NDUFS4: variants seen among roughly 807,000 people sequenced by gnomAD.
NDUFS4 encodes the protein NADH dehydrogenase [ubiquinone] iron-sulfur protein 4, mitochondrial.
A neutral mutation model predicts 24.3 loss-of-function variants in NDUFS4; 28 were observed. The observed-to-expected ratio is 1.15, with a 90% confidence interval of 0.85 to 1.58. The LOEUF (loss-of-function observed/expected upper bound fraction) is 1.58, where lower values mean the gene tolerates loss of function less well. Among genes scored for constraint, NDUFS4 ranks in the 40% most tolerant of loss-of-function variants. The pLI, the probability that NDUFS4 is intolerant of heterozygous loss-of-function variation, is 0.00. For missense variants in NDUFS4, 223 were observed against 207.9 expected (o/e 1.07, Z -0.45); for synonymous variants, 93 against 69.7 (o/e 1.34, Z -1.67).
At chr5:53,582,053 T>C (rs2112429010) in intron 1 of NDUFS4, among the ~76,000 whole-genome samples, 1 of 151,718 alleles carries the variant, frequency 6.6e-6, no homozygotes, top group South Asian at 2.1e-4. Flanking sequence ...CTACTAAAAA[T>C]ACAAAAAATT....
chr5:53,680,142 T>C (rs549424701), intron 4 of NDUFS4, among the ~76,000 whole-genome samples: 1 of 149,846 alleles, frequency 6.7e-6, no homozygotes, highest in East Asian at 2.2e-4. Context: ...ATTAGCCCTG[T>C]GACCTTAGGC....
intron 2 of NDUFS4, among the ~76,000 whole-genome samples, chr5:53,618,333 C>G (rs1750917857): frequency 6.6e-6 from 1 of 152,074 alleles, no homozygotes; most frequent in South Asian, 2.1e-4. Context: ...TGTTTTTCTT[C>G]CTTTTTTTGC....
intron 2 of NDUFS4, among the ~76,000 whole-genome samples, chr5:53,609,764 T>G (rs1002687434): frequency 6.6e-6 from 1 of 152,012 alleles, no homozygotes. Context: ...GGCTTCTCTG[T>G]CAGCACTTGG....
chr5:53,649,532 G>T (rs1751959048), intron 3 of NDUFS4, among the ~76,000 whole-genome samples: 1 of 152,174 alleles, frequency 6.6e-6, no homozygotes, highest in Non-Finnish European at 1.5e-5. Context: ...CAGAGGACAT[G>T]ATTTGATTCT....
chr5:53,561,616 T>G (rs745460905), intron 1 of NDUFS4, among the ~76,000 whole-genome samples: 19 of 152,108 alleles, frequency 1.2e-4, no homozygotes, highest in Non-Finnish European at 2.9e-5. Flanking sequence ...TACACACACA[T>G]ATTAGAACAA....
At chr5:53,572,361 G>T (rs982337721) in intron 1 of NDUFS4, among the ~76,000 whole-genome samples, 24 of 152,132 alleles carry the variant, frequency 1.6e-4, no homozygotes, top group African/African-American at 5.6e-4. Flanking sequence ...GGGGGAAGAA[G>T]GTCAAAGGTA....
At chr5:53,634,947 G>A (rs1751505907) in intron 2 of NDUFS4, among the ~76,000 whole-genome samples, 1 of 151,950 alleles carries the variant, frequency 6.6e-6, no homozygotes, top group African/African-American at 2.4e-5. Flanking sequence ...CTAGCACTTT[G>A]GGAGGCCGAG....
In NDUFS4 at chr5:53,563,400, T is replaced by G. The variant is rs137902398; in HGVS notation, c.98+2640T>G. ...AATGTGGGTGATTGAGCTGATCTAGTTACTTACTGAGCTTGTGCTGTAGTG... is the reference window on the plus strand; with the variant it reads ...AATGTGGGTGATTGAGCTGATCTAGGTACTTACTGAGCTTGTGCTGTAGTG... On this transcript the variant is annotated intron_variant, in intron 1 of 4. Transcript: ENST00000296684. Among the ~76,000 whole-genome samples the G allele has an allele frequency of 3.0e-3, 451 of 152,144 alleles. 1 individual carries two copies. The highest frequency in any genetic ancestry group is 0.01 in the African/African-American group (435 of 41,506).
chr5:53,582,241 A>AAAATAAAATAAAATAAAATTAAATT (rs1554054139), intron 1 of NDUFS4, among the ~76,000 whole-genome samples: 2 of 134,070 alleles, frequency 1.5e-5, no homozygotes, highest in African/African-American at 2.6e-5. Context: ...AAAATAAAAT[A>AAAATAAAATAAAATAAAATTAAATT]AAATTAAATT....
intron 3 of NDUFS4, among the ~76,000 whole-genome samples, chr5:53,650,789 G>A (rs1262551038): frequency 1.3e-5 from 2 of 152,174 alleles, no homozygotes; most frequent in Non-Finnish European, 2.9e-5. Context: ...TTAGTGGATT[G>A]TTTAAATAAA....
At chr5:53,672,244 A>T (rs1020861463) in intron 4 of NDUFS4, among the ~76,000 whole-genome samples, 8 of 152,088 alleles carry the variant, frequency 5.3e-5, no homozygotes, top group Non-Finnish European at 8.8e-5. Flanking sequence ...CAAAAAAAAA[A>T]ACTTTCAAAA....
At chr5:53,622,446 G>T (rs1751076688) in intron 2 of NDUFS4, among the ~76,000 whole-genome samples, 1 of 151,880 alleles carries the variant, frequency 6.6e-6, no homozygotes, top group Admixed American at 6.6e-5. Context: ...GTGTCTACAT[G>T]GCCACAGAGA....
At chr5:53,580,182 T>G (rs1749515168) in intron 1 of NDUFS4, among the ~76,000 whole-genome samples, 1 of 152,270 alleles carries the variant, frequency 6.6e-6, no homozygotes, top group African/African-American at 2.4e-5. Context: ...AAAGCCTAAA[T>G]GTAAATGATT....
intron 1 of NDUFS4, among the ~76,000 whole-genome samples, chr5:53,602,630 A>G (rs1750362004): frequency 6.6e-6 from 1 of 152,202 alleles, no homozygotes; most frequent in Non-Finnish European, 1.5e-5. Flanking sequence ...TATTAAAAAA[A>G]AGAAAGGACC....
intron 2 of NDUFS4, among the ~76,000 whole-genome samples, chr5:53,628,021 T>A (rs1271966203): frequency 6.6e-6 from 1 of 152,210 alleles, no homozygotes; most frequent in East Asian, 1.9e-4. Flanking sequence ...TGTAGGTTTG[T>A]CATAAATAGC....
rs73754259 is a variant in NDUFS4 at position 53,574,154 on chromosome 5, T to C, written c.98+13394T>C. Among the ~76,000 whole-genome samples the C allele has an allele frequency of 5.2e-3, 786 of 152,338 alleles. 7 individuals are homozygous for C. The highest frequency in any genetic ancestry group is 0.018 in the African/African-American group (750 of 41,572). On this transcript the variant is annotated intron_variant, in intron 1 of 4. Transcript: ENST00000296684. ...AGAATGGTAACAGCAGACATTCTTT[T>C]CATTTACCAATCTTAAGGGAAAGCA...
chr5:53,640,727 C>T (rs1008315480), intron 2 of NDUFS4, among the ~76,000 whole-genome samples: 1 of 152,120 alleles, frequency 6.6e-6, no homozygotes, highest in Non-Finnish European at 1.5e-5. Context: ...TTAGGCCCCA[C>T]TTCCAACATT....
At chr5:53,595,167 T>C (rs1192517589) in intron 1 of NDUFS4, among the ~76,000 whole-genome samples, 3 of 152,196 alleles carry the variant, frequency 2.0e-5, no homozygotes, top group African/African-American at 7.2e-5. Context: ...GTATTTTAAT[T>C]ACAGTAGTCT....
rs558194913 is a variant in NDUFS4 at position 53,585,699 on chromosome 5, G to A, written c.99-17753G>A. On this transcript the variant is annotated intron_variant, in intron 1 of 4. Coordinates refer to ENST00000296684, the MANE Select transcript of NDUFS4 (RefSeq NM_002495.4). ...GGAGGTTGCGGTGAGCCGAGATCGCGCCATTGCACTCCAGTGTGGGCAACA... is the reference window on the plus strand; with the variant it reads ...GGAGGTTGCGGTGAGCCGAGATCGCACCATTGCACTCCAGTGTGGGCAACA... Among the ~76,000 whole-genome samples, 39 of 151,422 alleles carry A rather than the reference G, an allele frequency of 2.6e-4. 1 individual carries two copies. In the South Asian group the frequency reaches 5.2e-3, roughly 20 times the overall value.
Sources: allele counts gnomAD v4.1 joint callset (sites outside exome capture counted in the v4.1 genomes callset), GRCh38; gene constraint gnomAD v4.1.1; transcripts MANE v1.5; gene names NCBI Gene and HGNC (gene_info 2026-07-23, HGNC 2026-07-21).